Variants in PFKP observed in about 807,000 individuals in gnomAD.
The protein encoded by PFKP is ATP-dependent 6-phosphofructokinase, platelet type.
Under a neutral mutation model 94.3 loss-of-function variants are expected in PFKP, and 101 were observed. The observed-to-expected ratio is 1.07, with a 90% CI of 0.91 to 1.26. PFKP has a LOEUF of 1.26. PFKP is among the 50% of genes most tolerant of loss of function. The pLI is 0.00. For synonymous variants in PFKP, 573 were observed against 432.6 expected, an observed-to-expected ratio of 1.32 and a Z score of -4.03; for missense variants, 1,145 against 1,103.3, an observed-to-expected ratio of 1.04 and a Z score of -0.53.
At chr10:3,119,777 GC>G in intron 15 of PFKP, 114 bp from the exon 16 acceptor site, 1 of 513,170 alleles carries the variant, frequency 1.9e-6, no homozygotes, top group South Asian at 5.9e-5. Context: ...TTTTCGTGAT[GC>G]CCCAGTGTGC....
At chr10:3,135,256 C>T (rs565986377) in intron 20 of PFKP, among the ~76,000 whole-genome samples, 27 of 152,208 alleles carry the variant, frequency 1.8e-4, no homozygotes, top group African/African-American at 5.5e-4. Flanking sequence ...AAACCACTAT[C>T]ACTGCCAGTG....
intron 16 of PFKP, among the ~76,000 whole-genome samples, chr10:3,124,917 C>T (rs730141): frequency 0.23 from 34,501 of 152,114 alleles, 4,297 homozygotes; most frequent in African/African-American, 0.33. Context: ...CCCTGTGTTG[C>T]TGGGGCCTGT....
intron 3 of PFKP, among the ~76,000 whole-genome samples, chr10:3,100,056 G>GGTGT (rs55739223): frequency 0.025 from 3,447 of 137,694 alleles, 46 homozygotes; most frequent in African/African-American, 0.037. Context: ...GTAGGTGTGT[G>GGTGT]GTGTGTGTGT....
Position 3,126,471 on chromosome 10 carries a change from C to T in PFKP, c.1684-3348C>T, listed in dbSNP as rs1371319050. Among the ~76,000 whole-genome samples, 3 of 152,350 alleles carry T rather than the reference C, an allele frequency of 2.0e-5. No homozygotes were observed. In the South Asian group the frequency reaches 6.2e-4, roughly 32 times the overall value. On this transcript the variant is annotated intron_variant, in intron 16 of 21. Transcript: ENST00000381125. ...CCTTGTAGATGTCCATGCACACTTC[C>T]ACCCTCGCGCCCCACACGCGACGCA...
At chr10:3,118,439 G>A (rs932304360) in intron 14 of PFKP, among the ~76,000 whole-genome samples, 1 of 152,030 alleles carries the variant, frequency 6.6e-6, no homozygotes, top group Non-Finnish European at 1.5e-5. Flanking sequence ...CTACACTCCA[G>A]CCTGGTAACA....
chr10:3,078,424 G>A (rs1206432188), intron 1 of PFKP, among the ~76,000 whole-genome samples: 1 of 152,130 alleles, frequency 6.6e-6, no homozygotes, highest in African/African-American at 2.4e-5. Context: ...ATCTTGCAGG[G>A]CCCAGCAGGA....
chr10:3,089,584 C>T (rs750158969), intron 2 of PFKP, among the ~76,000 whole-genome samples: 2 of 151,702 alleles, frequency 1.3e-5, no homozygotes, highest in Non-Finnish European at 2.9e-5. Context: ...ACAATCATCT[C>T]TTTGTGTTAG....
intron 13 of PFKP, among the ~76,000 whole-genome samples, chr10:3,115,567 T>C (rs1408942418): frequency 7.3e-6 from 1 of 136,594 alleles, no homozygotes; most frequent in Non-Finnish European, 1.6e-5. Context: ...GTCCCTCAGC[T>C]GAGGACAGGA....
At chr10:3,130,490 T>C (rs1286679233) in intron 17 of PFKP, among the ~76,000 whole-genome samples, 2 of 152,224 alleles carry the variant, frequency 1.3e-5, no homozygotes, top group African/African-American at 2.4e-5. Context: ...AATCCAGGCC[T>C]GGACCCTGCA....
chr10:3,135,072 A>G (rs1343656573), intron 20 of PFKP, among the ~76,000 whole-genome samples: 1 of 152,212 alleles, frequency 6.6e-6, no homozygotes, highest in Non-Finnish European at 1.5e-5. Flanking sequence ...ATTCTAAGAA[A>G]TCTTTAAACT....
chr10:3,133,372 TTAG>T, intron 19 of PFKP, 58 bp downstream of exon 19: 1 of 1,079,538 alleles, frequency 9.3e-7, no homozygotes, highest in Non-Finnish European at 1.4e-6. Flanking sequence ...TTTTAAAAGA[TTAG>T]TGTCTTATTT....
At chr10:3,119,605 AAAAAAC>A (rs61340420) in intron 15 of PFKP, among the ~76,000 whole-genome samples, 125,305 of 151,604 alleles carry the variant, frequency 0.83, 51,953 homozygotes, top group East Asian at 0.88. Flanking sequence ...ACTCCGTCTC[AAAAAAC>A]AAAAACAAAA....
chr10:3,090,655 C>T (rs928720793), intron 2 of PFKP, among the ~76,000 whole-genome samples: 1 of 151,772 alleles, frequency 6.6e-6, no homozygotes, highest in African/African-American at 2.4e-5. Flanking sequence ...GGTGGGCGGT[C>T]CTTTGACTCT....
chr10:3,070,737 G>A (rs1475398370), intron 1 of PFKP, among the ~76,000 whole-genome samples: 6 of 152,056 alleles, frequency 3.9e-5, no homozygotes, highest in Non-Finnish European at 7.4e-5. Flanking sequence ...GTACTCTCCC[G>A]TAGACCACGA....
At chr10:3,077,156 A>G (rs181552708) in intron 1 of PFKP, among the ~76,000 whole-genome samples, 38 of 151,636 alleles carry the variant, frequency 2.5e-4, no homozygotes, top group African/African-American at 9.2e-4. Context: ...CAGTGCTGTG[A>G]GAGAGGGCGA....
chr10:3,088,009 ATTATACT>A (rs1186568027), intron 2 of PFKP, among the ~76,000 whole-genome samples: 5 of 79,422 alleles, frequency 6.3e-5, no homozygotes, highest in East Asian at 2.6e-4. Context: ...TTTTTTTTAC[ATTATACT>A]TTAAGTTCTA....
chr10:3,132,879 A>C (rs543265711), intron 18 of PFKP, among the ~76,000 whole-genome samples: 2 of 150,186 alleles, frequency 1.3e-5, no homozygotes, highest in East Asian at 3.9e-4. Context: ...ATGGAGATGC[A>C]GGGCACAGGG....
chr10:3,132,515 T>C, intron 18 of PFKP, 74 bp downstream of exon 18: 1 of 1,055,820 alleles, frequency 9.5e-7, no homozygotes, highest in Non-Finnish European at 1.5e-6. Context: ...GTCTGTGACT[T>C]GGGCTGGATG....
intron 2 of PFKP, among the ~76,000 whole-genome samples, chr10:3,084,693 CAGTCCTCCAGCCCCTCCCCAGGAG>C (rs748451173): frequency 0.27 from 24,777 of 91,606 alleles, 5,137 homozygotes; most frequent in Middle Eastern, 0.38. Flanking sequence ...GTCTCCAGCA[CAGTCCTCCAGCCCCTCCCCAGGAG>C]AGTCCTCCAG....
Sources: allele counts gnomAD v4.1 joint callset (sites outside exome capture counted in the v4.1 genomes callset), GRCh38; gene constraint gnomAD v4.1.1; transcripts MANE v1.5; gene names NCBI Gene and HGNC (gene_info 2026-07-23, HGNC 2026-07-21).